MZT2A: variants seen among roughly 807,000 people sequenced by gnomAD.
MZT2A encodes the protein mitotic-spindle organizing protein 2A.
In MZT2A, 8 loss-of-function variants were observed where a neutral mutation model predicts 12.4. That is an observed-to-expected ratio of 0.64 (90% confidence interval 0.38 to 1.16). MZT2A has a LOEUF of 1.16. Ranked by LOEUF, MZT2A falls within the 50% of genes most tolerant of loss-of-function variation. The pLI is 0.01. For missense variants in MZT2A, 181 were observed against 223.6 expected (o/e 0.81, Z 1.22); for synonymous variants, 88 against 107.5 (o/e 0.82, Z 1.12).
At position 131,490,487 on chromosome 2, in the gene MZT2A, G is replaced by T; in HGVS notation, c.319+1389C>A. ...TTCGCCTCTGGGGTGTGGGGATGTT[G>T]GTCCTGTCCCCGGATGCCAGCCCGA... is the stretch of plus-strand genomic sequence containing the variant. On this transcript the variant is annotated intron_variant, in intron 2 of 2. Transcript: ENST00000309451. The T allele has an allele frequency of 3.5e-6, 5 of 1,411,946 alleles. No individual in the cohort carries two copies. In the South Asian group the frequency reaches 7.5e-5, roughly 21 times the overall value. The allele number at this position is 1,411,946 out of a possible 1,614,324, so 87.5% of individuals were successfully genotyped here.
downstream of MZT2A, among the ~76,000 whole-genome samples, chr2:131,482,013 C>T (rs1438397425): frequency 6.6e-6 from 1 of 152,238 alleles, no homozygotes; most frequent in African/African-American, 2.4e-5. Context: ...TCACCCCCTA[C>T]TTAGGCAGGC....
chr2:131,476,953 G>A (rs1678691757), intron 2 of MZT2A, among the ~76,000 whole-genome samples: 1 of 143,774 alleles, frequency 7.0e-6, no homozygotes, highest in Admixed American at 6.7e-5. Flanking sequence ...AAAAAAAGCA[G>A]CCCATTAACA....
chr2:131,470,898 G>T (rs969498192), intron 3 of MZT2A, among the ~76,000 whole-genome samples: 7 of 145,614 alleles, frequency 4.8e-5, no homozygotes, highest in Admixed American at 4.6e-4. Context: ...AACTAAAAAA[G>T]AAAGAAAAGA....
downstream of MZT2A, chr2:131,482,573 C>T (rs1678896987): frequency 6.2e-7 from 1 of 1,610,150 alleles, no homozygotes; most frequent in South Asian, 1.1e-5. Flanking sequence ...CTACCAGCCC[C>T]CCACAGTGGT....
intron 2 of MZT2A, among the ~76,000 whole-genome samples, chr2:131,475,859 G>A (rs1480762156): frequency 2.0e-5 from 3 of 152,124 alleles, no homozygotes; most frequent in Non-Finnish European, 4.4e-5. Context: ...GCAATGTTCC[G>A]CGACCCACAG....
intron 2 of MZT2A, among the ~76,000 whole-genome samples, chr2:131,476,457 A>G (rs1678670375): frequency 6.6e-6 from 1 of 152,064 alleles, no homozygotes. Context: ...TCCCCCAGAG[A>G]GCAAATAGTG....
intron 3 of MZT2A, chr2:131,470,454 A>T (rs1200622815): frequency 7.3e-6 from 4 of 545,900 alleles, no homozygotes; most frequent in Non-Finnish European, 1.1e-5. Flanking sequence ...TGCTGGTTAC[A>T]GATTAAAGCC....
chr2:131,487,820 G>T (rs1191783090), intron 2 of MZT2A, among the ~76,000 whole-genome samples: 2 of 152,220 alleles, frequency 1.3e-5, no homozygotes, highest in Non-Finnish European at 2.9e-5. Flanking sequence ...AGGCTGGAGT[G>T]CAGTGGTGCA....
chr2:131,482,490 T>G, downstream of MZT2A: 8 of 1,538,716 alleles, frequency 5.2e-6, no homozygotes, highest in African/African-American at 1.4e-5. Flanking sequence ...TGAGGAAAAG[T>G]AGCTACCATT....
At chr2:131,470,152 C>T (rs1704953208) in intron 4 of MZT2A, 1 of 377,496 alleles carries the variant, frequency 2.6e-6, no homozygotes, top group South Asian at 2.1e-5. Context: ...TCTCCTGCCA[C>T]ATCATGTCAG....
chr2:131,479,264 G>C, downstream of MZT2A: 1 of 1,604,106 alleles, frequency 6.2e-7, no homozygotes, highest in Non-Finnish European at 8.5e-7. Context: ...ATCTTGGTGA[G>C]TACAGGCCTT....
chr2:131,476,575 G>C (rs1029557947), intron 2 of MZT2A, among the ~76,000 whole-genome samples: 1 of 152,318 alleles, frequency 6.6e-6, no homozygotes, highest in Non-Finnish European at 1.5e-5. Context: ...GGTTGGGGCT[G>C]TGGACATTGA....
upstream of MZT2A, chr2:131,492,781 CGGGG>C: frequency 1.3e-6 from 1 of 772,194 alleles, no homozygotes; most frequent in Non-Finnish European, 1.8e-6. Flanking sequence ...GGTCGCTCTT[CGGGG>C]GGGGTGGGGG....
chr2:131,480,858 G>A (rs1257022590), downstream of MZT2A: 44 of 1,439,978 alleles, frequency 3.1e-5, no homozygotes, highest in Non-Finnish European at 3.9e-5. Context: ...CCATGGGCTA[G>A]GCATGTGGGC....
chr2:131,475,038 G>A (rs1002902032), intron 2 of MZT2A, among the ~76,000 whole-genome samples: 5 of 152,020 alleles, frequency 3.3e-5, no homozygotes, highest in Non-Finnish European at 5.9e-5. Context: ...TCAGCTCACT[G>A]CAACCTCTGC....
chr2:131,480,736 C>G, downstream of MZT2A: 1 of 1,611,070 alleles, frequency 6.2e-7, no homozygotes, highest in Admixed American at 1.7e-5. Flanking sequence ...GATTGGTGCC[C>G]GACTGGATTT....
downstream of MZT2A, among the ~76,000 whole-genome samples, chr2:131,482,314 C>G (rs1202289364): frequency 6.6e-6 from 1 of 152,172 alleles, no homozygotes; most frequent in Non-Finnish European, 1.5e-5. Flanking sequence ...GGTACTAGGA[C>G]ACAGCCCTTT....
chr2:131,492,783 G>A (rs540945861), upstream of MZT2A: 65 of 1,342,254 alleles, frequency 4.8e-5, no homozygotes, highest in African/African-American at 6.4e-5. Context: ...TCGCTCTTCG[G>A]GGGGGGTGGG....
rs1399297409 is a variant in MZT2A at position 131,475,960 on chromosome 2, C to G, written c.279-3778G>C. 2.2e-5 allele frequency: 16 copies of G among 725,386 alleles called. No homozygotes were observed. In the East Asian group the frequency reaches 4.4e-4, roughly 20 times the overall value. The allele number at this position is 725,386 out of a possible 1,614,324, so 44.9% of individuals were successfully genotyped here. A position where few individuals can be genotyped will look rare whatever the true frequency, so the allele number is the denominator to read the frequency against. On this transcript the variant is annotated intron_variant and NMD_transcript_variant, in intron 2 of 4. Transcript: ENST00000427024. ...AGCCTTTGATGACCCCCGCTGCCTT[C>G]CCGCCAATCCTACATCCAATCAGAG... is the stretch of plus-strand genomic sequence containing the variant.
Sources: allele counts gnomAD v4.1 joint callset (sites outside exome capture counted in the v4.1 genomes callset), GRCh38; gene constraint gnomAD v4.1.1; transcripts MANE v1.5; gene names NCBI Gene and HGNC (gene_info 2026-07-23, HGNC 2026-07-21).